The following UBAP1 variants were observed in gnomAD, a reference collection of about 807,000 sequenced individuals.
UBAP1 encodes ubiquitin-associated protein 1.
A neutral mutation model predicts 39.0 loss-of-function variants in UBAP1; 5 were observed. The observed-to-expected ratio is 0.13, with a 90% confidence interval of 0.07 to 0.27. The LOEUF is 0.27. UBAP1 is among the 10% of genes least tolerant of loss of function. UBAP1 has a pLI of 1.00. For missense variants in UBAP1, 490 were observed against 608.1 expected (o/e 0.81, Z 2.04); for synonymous variants, 211 against 225.1 (o/e 0.94, Z 0.56).
chr9:34,217,943 T>C (rs1288183458), intron 1 of UBAP1, among the ~76,000 whole-genome samples: 2 of 150,328 alleles, frequency 1.3e-5, no homozygotes, highest in Non-Finnish European at 3.0e-5. Context: ...TGGTGAACAG[T>C]TGAGCCTTTT....
At chr9:34,236,062 G>A (rs1294626295) in intron 3 of UBAP1, among the ~76,000 whole-genome samples, 2 of 151,846 alleles carry the variant, frequency 1.3e-5, no homozygotes, top group Non-Finnish European at 2.9e-5. Flanking sequence ...GTTTCACCAT[G>A]TTAGTCAGGC....
At chr9:34,236,861 A>G (rs1244103691) in intron 3 of UBAP1, among the ~76,000 whole-genome samples, 3 of 152,070 alleles carry the variant, frequency 2.0e-5, no homozygotes, top group African/African-American at 7.2e-5. Flanking sequence ...TATTGAGTAT[A>G]GTCTAGACAT....
chr9:34,242,433 C>A (rs538454997), intron 4 of UBAP1, among the ~76,000 whole-genome samples: 6 of 152,268 alleles, frequency 3.9e-5, no homozygotes, highest in African/African-American at 1.4e-4. Context: ...CAGGTGTGAG[C>A]CACCAAGACT....
intron 1 of UBAP1, among the ~76,000 whole-genome samples, chr9:34,183,058 G>A (rs972873615): frequency 5.3e-5 from 8 of 151,992 alleles, no homozygotes; most frequent in African/African-American, 1.2e-4. Flanking sequence ...GATTATAGGC[G>A]TGAGCCACTG....
At chr9:34,204,890 G>A (rs1187093156) in intron 1 of UBAP1, among the ~76,000 whole-genome samples, 1 of 152,048 alleles carries the variant, frequency 6.6e-6, no homozygotes, top group African/African-American at 2.4e-5. Flanking sequence ...TGATAGGTTC[G>A]TGGTCAGATT....
intron 1 of UBAP1, among the ~76,000 whole-genome samples, chr9:34,190,151 A>T (rs551409003): frequency 6.6e-6 from 1 of 152,240 alleles, no homozygotes; most frequent in Non-Finnish European, 1.5e-5. Flanking sequence ...TATGTAACAA[A>T]CCTTCACATG....
At chr9:34,181,424 T>G (rs1212542792) in intron 1 of UBAP1, among the ~76,000 whole-genome samples, 1 of 142,150 alleles carries the variant, frequency 7.0e-6, no homozygotes, top group Non-Finnish European at 1.5e-5. Flanking sequence ...CCTTTTTTAT[T>G]TTTATTTGTA....
Position 34,250,702 on chromosome 9 carries a change from C to T in UBAP1, c.1311C>T (p.Gly437=), listed in dbSNP as rs780845773. 6.8e-6 allele frequency: 11 copies of T among 1,613,686 alleles called. No individual in the cohort carries two copies. The highest frequency in any genetic ancestry group is 9.3e-6 in the Non-Finnish European group (11 of 1,179,774). The change falls in exon 6 of 7, where the codon GGC becomes GGT. Residue 437 remains glycine, a synonymous_variant. Coordinates refer to ENST00000297661, the MANE Select transcript of UBAP1 (RefSeq NM_016525.5). ...LFAHGQLCEK[G]FDPLLVEEAL... ...CACATGGACAGCTTTGTGAGAAGGG[C>T]TTCGACCCTCTTTTAGTGGAAGAGG...
intron 2 of UBAP1, among the ~76,000 whole-genome samples, chr9:34,231,683 C>T (rs1253452911): frequency 1.3e-5 from 2 of 150,310 alleles, no homozygotes; most frequent in Non-Finnish European, 3.0e-5. Flanking sequence ...CTCGCTCTGT[C>T]ACCCAGCCTG....
At position 34,213,354 on chromosome 9, in the gene UBAP1, T is replaced by TA. The variant is rs199949543; in HGVS notation, c.-7-7553dup. Among the ~76,000 whole-genome samples, 1,258 of 151,998 alleles carry TA rather than the reference T, an allele frequency of 8.3e-3. 16 individuals carry two copies. The highest frequency in any genetic ancestry group is 0.028 in the African/African-American group (1,160 of 41,464). ...GGTGAAACCCCGTCTCATCTAAAAA[T>TA]ACAAAAATTAGCTCGGCATGGTGGC... On this transcript the variant is annotated intron_variant, in intron 1 of 6. Transcript: ENST00000297661.
intron 1 of UBAP1, among the ~76,000 whole-genome samples, chr9:34,207,713 G>A (rs1448265709): frequency 3.3e-5 from 5 of 150,374 alleles, no homozygotes; most frequent in East Asian, 1.9e-4. Flanking sequence ...GGCTGGACTC[G>A]AACTCCTGGG....
intron 5 of UBAP1, among the ~76,000 whole-genome samples, chr9:34,250,371 C>T (rs1001168177): frequency 7.2e-5 from 11 of 152,126 alleles, no homozygotes; most frequent in African/African-American, 2.2e-4. Context: ...TTAGAGTAGC[C>T]GCCTGCCCAG....
At chr9:34,246,716 A>G (rs547419687) in intron 4 of UBAP1, among the ~76,000 whole-genome samples, 2 of 152,222 alleles carry the variant, frequency 1.3e-5, no homozygotes, top group African/African-American at 4.8e-5. Flanking sequence ...ACTTGGTAGA[A>G]GCTGTCTTGA....
intron 2 of UBAP1, among the ~76,000 whole-genome samples, chr9:34,228,234 C>T (rs192976067): frequency 2.8e-4 from 43 of 151,908 alleles, no homozygotes; most frequent in Admixed American, 2.1e-3. Context: ...CTGGCTAACA[C>T]GGTGAAACCC....
chr9:34,247,647 C>G (rs1038076337), intron 4 of UBAP1, among the ~76,000 whole-genome samples: 1 of 152,106 alleles, frequency 6.6e-6, no homozygotes, highest in Non-Finnish European at 1.5e-5. Context: ...TGGTCTTGAA[C>G]TCCCGACCTC....
At chr9:34,226,156 T>TGTGTGTGTGTGTGTGTGTGTGG (rs1833089039) in intron 2 of UBAP1, among the ~76,000 whole-genome samples, 1 of 141,188 alleles carries the variant, frequency 7.1e-6, no homozygotes, top group Non-Finnish European at 1.6e-5. Flanking sequence ...TGTGTGTGTG[T>TGTGTGTGTGTGTGTGTGTGTGG]GGTGGGCTGG....
At chr9:34,238,183 G>A (rs1229633778) in intron 3 of UBAP1, among the ~76,000 whole-genome samples, 1 of 152,168 alleles carries the variant, frequency 6.6e-6, no homozygotes, top group Admixed American at 6.5e-5. Context: ...GTATGAATGA[G>A]GTATTAGTAC....
Position 34,252,213 on chromosome 9 carries a change from G to GAAAC in UBAP1, c.*683_*686dup, listed in dbSNP as rs1554657680. 1 of 152,580 alleles carries GAAAC rather than the reference G, an allele frequency of 6.6e-6. No homozygotes were observed. Among genetic ancestry groups the GAAAC allele is most frequent in the African/African-American group, 2.4e-5 (1 of 41,438 alleles). The allele number at this position is 152,580 out of a possible 1,614,324, so 9.5% of individuals were successfully genotyped here. A position where few individuals can be genotyped will look rare whatever the true frequency, so the allele number is the denominator to read the frequency against. ...CAGGGTTTTAGAGCCCCTGCTCTAG[G>GAAAC]AAACAGTTTAAGAAATCATTGGCCC... On this transcript the variant is annotated 3_prime_UTR_variant, in exon 7 of 7. Coordinates refer to ENST00000297661, the MANE Select transcript of UBAP1 (RefSeq NM_016525.5).
At chr9:34,197,351 T>C (rs538960531) in intron 1 of UBAP1, among the ~76,000 whole-genome samples, 8 of 151,590 alleles carry the variant, frequency 5.3e-5, no homozygotes, top group African/African-American at 1.9e-4. Context: ...CACTATGTTG[T>C]GCTAGTCTCA....
Sources: gnomAD v4.1 joint callset for allele counts (sites outside exome capture counted in the v4.1 genomes callset) on GRCh38, gnomAD v4.1.1 for gene constraint, MANE v1.5 for transcripts, NCBI Gene and HGNC (gene_info 2026-07-23, HGNC 2026-07-21) for gene names.